MPHOSPH9: variants seen among roughly 807,000 people sequenced by gnomAD.
MPHOSPH9 encodes M-phase phosphoprotein 9.
In MPHOSPH9, 88 loss-of-function variants were observed where a neutral mutation model predicts 145.5. That is an observed-to-expected ratio of 0.60 (90% CI 0.51 to 0.72). The LOEUF (loss-of-function observed/expected upper bound fraction) is 0.72. Among genes scored for constraint, MPHOSPH9 ranks in the 30% least tolerant of loss-of-function variants. MPHOSPH9 has a pLI of 0.00. For missense variants in MPHOSPH9, 1,238 were observed against 1,386.6 expected (o/e 0.89, Z 1.70); for synonymous variants, 435 against 486.2 (o/e 0.89, Z 1.39).
chr12:123,184,101 G>A (rs2045327910), intron 13 of MPHOSPH9, among the ~76,000 whole-genome samples: 1 of 151,716 alleles, frequency 6.6e-6, no homozygotes, highest in Non-Finnish European at 1.5e-5. Flanking sequence ...AGCTACTGGG[G>A]AGGCTGAGGC....
At chr12:123,179,787 G>T in intron 15 of MPHOSPH9, 139 bp downstream of exon 15, 4 of 406,248 alleles carry the variant, frequency 9.8e-6, no homozygotes, top group Non-Finnish European at 8.9e-6. Context: ...CTATTTCCAT[G>T]TCAAGGGAAA....
chr12:123,225,237 AGT>A (rs199934987), intron 3 of MPHOSPH9, among the ~76,000 whole-genome samples: 7,035 of 151,774 alleles, frequency 0.046, 306 homozygotes, highest in East Asian at 0.26. Context: ...TGAGTTCATG[AGT>A]TCAAGACTAA....
chr12:123,199,826 C>T (rs537789572), intron 11 of MPHOSPH9, among the ~76,000 whole-genome samples: 11 of 151,150 alleles, frequency 7.3e-5, no homozygotes, highest in African/African-American at 2.7e-4. Context: ...AAAAGATTAT[C>T]ATTGATCCCA....
chr12:123,165,639 G>C (rs1193331699), intron 17 of MPHOSPH9, 162 bp from the exon 18 acceptor site: 7 of 607,230 alleles, frequency 1.2e-5, no homozygotes, highest in Non-Finnish European at 1.4e-5. Flanking sequence ...AGGTCATGAG[G>C]GTGAAGCCTC....
At chr12:123,153,921 G>C (rs2043815606), downstream of MPHOSPH9, among the ~76,000 whole-genome samples, 1 of 152,130 alleles carries the variant, frequency 6.6e-6, no homozygotes, top group African/African-American at 2.4e-5. Context: ...TTATAGCTGA[G>C]AAAGGCAGGC....
In MPHOSPH9 at chr12:123,165,462, C is replaced by T. The variant is rs1375019593; in HGVS notation, c.2607G>A (p.Leu869=). ...ETCSLGHRSP[L]EKDSSPGSSS... is the part of the protein sequence containing the mutation. ...AACTTCCAGGTGAAGAATCCTTTTC[C>T]AGAGGTGAACGGTGCCTTAAACAAT... Residue 869 remains leucine, a synonymous_variant, in exon 18 of 24, where the codon CTG becomes CTA. Transcript: ENST00000606320. 6 of 1,613,622 alleles carry T rather than the reference C, an allele frequency of 3.7e-6. No individual in the cohort carries two copies. Among genetic ancestry groups the T allele is most frequent in the East Asian group, 2.2e-5 (1 of 44,886 alleles).
At chr12:123,215,016 G>A (rs1448862721) in intron 6 of MPHOSPH9, among the ~76,000 whole-genome samples, 182 bp from the exon 7 acceptor site, 1 of 152,186 alleles carries the variant, frequency 6.6e-6, no homozygotes, top group African/African-American at 2.4e-5. Context: ...GGCCGAGGCG[G>A]GTGGATCACG....
Position 123,221,433 on chromosome 12 carries a change from A to G in MPHOSPH9, c.811T>C (p.Phe271Leu), listed in dbSNP as rs374689887. ...KEDVSISPGE[F>L]EHNFLGENKV... ...TTTTCACCAAGAAAATTATGTTCAA[A>G]TTCACCAGGAGAAATGGATACATCT... The change falls in exon 5 of 24, where the codon TTT becomes CTT. Residue 271 changes from phenylalanine to leucine, a missense_variant. By Grantham distance (22) the Phe-to-Leu change is conservative (BLOSUM62 0). Transcript: ENST00000606320. 1 of 1,611,552 alleles carries G rather than the reference A, an allele frequency of 6.2e-7. No individual in the cohort carries two copies. The highest frequency in any genetic ancestry group is 1.7e-5 in the Admixed American group (1 of 59,426).
chr12:123,217,775 G>T (rs2047027628), intron 6 of MPHOSPH9, among the ~76,000 whole-genome samples: 1 of 152,074 alleles, frequency 6.6e-6, no homozygotes, highest in South Asian at 2.1e-4. Context: ...CGAGCGTGGT[G>T]GCTCATGCCT....
chr12:123,179,425 A>G (rs2045022339), intron 15 of MPHOSPH9, among the ~76,000 whole-genome samples: 1 of 152,158 alleles, frequency 6.6e-6, no homozygotes, highest in Non-Finnish European at 1.5e-5. Context: ...AATACAAAAA[A>G]TTAGCTGGGT....
chr12:123,212,421 G>GT (rs1203932469), intron 7 of MPHOSPH9, among the ~76,000 whole-genome samples: 2 of 152,122 alleles, frequency 1.3e-5, no homozygotes, highest in South Asian at 2.1e-4. Context: ...CAGGCGCAAT[G>GT]ACTCACGCCT....
At chr12:123,218,313 C>T in intron 6 of MPHOSPH9, 63 bp downstream of exon 6, 3 of 1,592,934 alleles carry the variant, frequency 1.9e-6, no homozygotes, top group Non-Finnish European at 1.7e-6. Flanking sequence ...TGTTCATGAG[C>T]GTGTACTAAA....
intron 11 of MPHOSPH9, among the ~76,000 whole-genome samples, chr12:123,200,154 CA>C (rs1260423116): frequency 1.3e-5 from 2 of 152,092 alleles, no homozygotes; most frequent in Admixed American, 6.6e-5. Context: ...TTTGTAACAC[CA>C]GGGGGATTCT....
chr12:123,224,422 C>G (rs1565975413), intron 3 of MPHOSPH9, among the ~76,000 whole-genome samples: 1 of 152,166 alleles, frequency 6.6e-6, no homozygotes, highest in East Asian at 1.9e-4. Context: ...GCGTGAGCCA[C>G]TGCACCCAGC....
At chr12:123,172,314 T>C (rs959568380) in intron 16 of MPHOSPH9, among the ~76,000 whole-genome samples, 1 of 151,712 alleles carries the variant, frequency 6.6e-6, no homozygotes, top group African/African-American at 2.4e-5. Flanking sequence ...ACACTAAAAT[T>C]TGAATGTTAT....
At chr12:123,207,535 G>C (rs1051578684) in intron 8 of MPHOSPH9, among the ~76,000 whole-genome samples, 2 of 151,938 alleles carry the variant, frequency 1.3e-5, no homozygotes, top group Non-Finnish European at 1.5e-5. Flanking sequence ...TTTTCCCCAG[G>C]TACTCTTTCA....
At chr12:123,168,541 A>G (rs966162222) in intron 16 of MPHOSPH9, among the ~76,000 whole-genome samples, 1 of 151,592 alleles carries the variant, frequency 6.6e-6, no homozygotes, top group Non-Finnish European at 1.5e-5. Flanking sequence ...ACGGGGTTTC[A>G]CCGTGTTAGC....
At chr12:123,216,627 G>A (rs537374722) in intron 6 of MPHOSPH9, among the ~76,000 whole-genome samples, 1 of 152,112 alleles carries the variant, frequency 6.6e-6, no homozygotes, top group Admixed American at 6.6e-5. Flanking sequence ...AAGGCAAGAG[G>A]ATCACTTGAA....
At chr12:123,207,903 T>C (rs750459050) in intron 8 of MPHOSPH9, among the ~76,000 whole-genome samples, 11 of 150,446 alleles carry the variant, frequency 7.3e-5, no homozygotes, top group Non-Finnish European at 1.6e-4. Context: ...ATAGGTACAT[T>C]GATGTACATT....
Sources: allele counts gnomAD v4.1 joint callset (sites outside exome capture counted in the v4.1 genomes callset), GRCh38; gene constraint gnomAD v4.1.1; transcripts MANE v1.5; gene names NCBI Gene and HGNC (gene_info 2026-07-23, HGNC 2026-07-21).